Variants in TPRG1 observed in about 807,000 individuals in gnomAD.
The protein encoded by TPRG1 is tumor protein p63-regulated gene 1 protein.
A neutral mutation model predicts 29.3 loss-of-function variants in TPRG1; 29 were observed. That is an observed-to-expected ratio of 0.99 (90% CI 0.74 to 1.35). The LOEUF is 1.35. TPRG1 is among the 40% of genes most tolerant of loss of function. The pLI, the probability that TPRG1 is intolerant of heterozygous loss-of-function variation, is 0.00. For synonymous variants in TPRG1, 130 were observed against 116.8 expected, an observed-to-expected ratio of 1.11 and a Z score of -0.73; for missense variants, 327 against 335.0, an observed-to-expected ratio of 0.98 and a Z score of 0.19.
chr3:189,254,751 G>A (rs1711532527), intron 4 of TPRG1, among the ~76,000 whole-genome samples: 1 of 152,000 alleles, frequency 6.6e-6, no homozygotes, highest in Non-Finnish European at 1.5e-5. Context: ...TTTGTAAGTT[G>A]TATTCCTAGG....
chr3:189,238,905 G>A lies in TPRG1; in HGVS notation c.475G>A (p.Asp159Asn). The A allele has an allele frequency of 3.1e-6, 5 of 1,611,260 alleles. No individual in the cohort carries two copies. The highest frequency in any genetic ancestry group is 3.4e-6 in the Non-Finnish European group (4 of 1,178,350). ...GKFTFPGMSL[D>N]KRQGEGLRIY... ...GTTCACCTTCCCTGGGATGTCCCTG[G>A]ACAAGTGAGTATATATCTTATACTT... Residue 159 changes from aspartate to asparagine, a missense_variant, in exon 4 of 6, where the codon GAC (aspartate) becomes AAC (asparagine). Transcript: ENST00000345063.
chr3:189,118,664 C>T (rs1721463681), intron 1 of TPRG1, among the ~76,000 whole-genome samples: 1 of 152,222 alleles, frequency 6.6e-6, no homozygotes, highest in South Asian at 2.1e-4. Context: ...AAGGGGCCAA[C>T]ATACAGCTCA....
chr3:189,017,053 C>T (rs1712974106), intron 3 of TPRG1, among the ~76,000 whole-genome samples: 1 of 152,068 alleles, frequency 6.6e-6, no homozygotes, highest in Non-Finnish European at 1.5e-5. Flanking sequence ...TCCATTCTCA[C>T]TGTCTCTTTC....
At chr3:189,283,609 C>T (rs191532728) in intron 4 of TPRG1, among the ~76,000 whole-genome samples, 1 of 152,210 alleles carries the variant, frequency 6.6e-6, no homozygotes, top group East Asian at 1.9e-4. Flanking sequence ...TTGGGTGGCT[C>T]ATGAAAGCCC....
intron 2 of TPRG1, among the ~76,000 whole-genome samples, chr3:189,127,549 A>AT (rs754550281): frequency 3.9e-4 from 59 of 152,356 alleles, no homozygotes; most frequent in Non-Finnish European, 7.1e-4. Flanking sequence ...ACCGTAGGGC[A>AT]TCTTGACATG....
chr3:189,189,468 T>A (rs936084692), intron 1 of TPRG1, among the ~76,000 whole-genome samples: 1 of 152,102 alleles, frequency 6.6e-6, no homozygotes, highest in Non-Finnish European at 1.5e-5. Flanking sequence ...ATTGTTATTT[T>A]AAAAAAATTG....
intron 5 of TPRG1, among the ~76,000 whole-genome samples, chr3:189,151,342 T>C (rs1725908582): frequency 6.6e-6 from 1 of 152,156 alleles, no homozygotes. Flanking sequence ...ATAGAGCTGA[T>C]ATCCCAGCAA....
intron 1 of TPRG1, among the ~76,000 whole-genome samples, chr3:189,103,176 T>C (rs1719406131): frequency 2.6e-5 from 4 of 152,156 alleles, no homozygotes; most frequent in Admixed American, 2.6e-4. Context: ...CTGCCACTTG[T>C]TTTTGTAAAT....
At chr3:189,205,314 A>G (rs1734156167) in intron 1 of TPRG1, among the ~76,000 whole-genome samples, 1 of 152,234 alleles carries the variant, frequency 6.6e-6, no homozygotes, top group Non-Finnish European at 1.5e-5. Context: ...TCCACTTGTG[A>G]GTTACCTTAG....
chr3:189,278,776 C>T (rs981939955), intron 4 of TPRG1, among the ~76,000 whole-genome samples: 1 of 152,152 alleles, frequency 6.6e-6, no homozygotes, highest in Non-Finnish European at 1.5e-5. Flanking sequence ...CACTTGACAG[C>T]CATGTCCTGG....
intron 4 of TPRG1, among the ~76,000 whole-genome samples, chr3:189,087,316 T>C (rs565923716): frequency 4.6e-5 from 7 of 152,356 alleles, no homozygotes; most frequent in South Asian, 2.1e-4. Flanking sequence ...TTTTGAGAAG[T>C]GTCTGTTCAT....
intron 1 of TPRG1, among the ~76,000 whole-genome samples, chr3:189,205,531 G>T (rs749292566): frequency 6.6e-6 from 1 of 152,142 alleles, no homozygotes; most frequent in East Asian, 1.9e-4. Context: ...TTTCAAAAGC[G>T]GAAGCTTGCT....
At chr3:189,176,641 G>C (rs1350027608) in intron 1 of TPRG1, among the ~76,000 whole-genome samples, 2 of 152,210 alleles carry the variant, frequency 1.3e-5, no homozygotes, top group African/African-American at 4.8e-5. Context: ...CATTATTTGG[G>C]TAAAGGACTT....
chr3:189,015,443 A>G (rs1467970211), intron 3 of TPRG1, among the ~76,000 whole-genome samples: 2 of 152,198 alleles, frequency 1.3e-5, no homozygotes, highest in Non-Finnish European at 2.9e-5. Context: ...AGAAAAAAAC[A>G]TTTTCTGGAA....
Position 189,321,005 on chromosome 3 carries a change from C to T in TPRG1, c.*185C>T, listed in dbSNP as rs1321293558. On this transcript the variant is annotated 3_prime_UTR_variant, in exon 6 of 6. Transcript: ENST00000345063. ...ACTGATAGATACACACTTTAGACCT[C>T]ATACAAGAATAATCAAATTTTCTTA... 4 of 458,778 alleles carry T rather than the reference C, an allele frequency of 8.7e-6. No individual in the cohort carries two copies. Among genetic ancestry groups the T allele is most frequent in the Non-Finnish European group, 1.5e-5 (4 of 269,816 alleles). The allele number at this position is 458,778 out of a possible 1,614,324, so 28.4% of individuals were successfully genotyped here.
chr3:189,016,409 G>A (rs1377098327), intron 3 of TPRG1, among the ~76,000 whole-genome samples: 2 of 152,010 alleles, frequency 1.3e-5, no homozygotes, highest in African/African-American at 4.8e-5. Context: ...ATAAACAGAA[G>A]GGACATACTT....
intron 4 of TPRG1, among the ~76,000 whole-genome samples, chr3:189,032,832 G>T (rs1714013084): frequency 7.1e-6 from 1 of 141,796 alleles, no homozygotes. Flanking sequence ...CCACCTATGA[G>T]TGAGAACATG....
intron 4 of TPRG1, among the ~76,000 whole-genome samples, chr3:189,278,301 G>A (rs11915967): frequency 0.051 from 7,755 of 151,976 alleles, 419 homozygotes; most frequent in African/African-American, 0.14. Flanking sequence ...TTTGGGCAGT[G>A]GTTGCTCGAG....
At chr3:189,207,238 T>C in intron 1 of TPRG1, 138 bp from the exon 2 acceptor site, 1 of 1,420,890 alleles carries the variant, frequency 7.0e-7, no homozygotes, top group Non-Finnish European at 9.3e-7. Context: ...TATCCACCAA[T>C]GCCTCTGTTT....
Sources: allele counts gnomAD v4.1 joint callset (sites outside exome capture counted in the v4.1 genomes callset), GRCh38; gene constraint gnomAD v4.1.1; transcripts MANE v1.5; gene names NCBI Gene and HGNC (gene_info 2026-07-23, HGNC 2026-07-21).